The following PLEKHA5 variants were observed in gnomAD, a reference collection of about 807,000 sequenced individuals.
The protein encoded by PLEKHA5 is pleckstrin homology domain-containing family A member 5.
PLEKHA5 carries 55 observed loss-of-function variants against 181.9 expected under a neutral mutation model. The observed-to-expected ratio is 0.30, with a 90% confidence interval of 0.24 to 0.38. The LOEUF is 0.38. PLEKHA5 is among the 10% of genes least tolerant of loss of function. The pLI, the probability that PLEKHA5 is intolerant of heterozygous loss-of-function variation, is 1.00. For missense variants in PLEKHA5, 1,432 were observed against 1,549.5 expected (o/e 0.92, Z 1.27); for synonymous variants, 535 against 529.4 (o/e 1.01, Z -0.15).
chr12:19,298,049 C>CA (rs1397849119), intron 15 of PLEKHA5, among the ~76,000 whole-genome samples: 1 of 151,810 alleles, frequency 6.6e-6, no homozygotes, highest in South Asian at 2.1e-4. Flanking sequence ...ACTAAAAATA[C>CA]AAAAAATTAG....
At chr12:19,281,346 G>A (rs2076091698) in intron 11 of PLEKHA5, among the ~76,000 whole-genome samples, 1 of 152,056 alleles carries the variant, frequency 6.6e-6, no homozygotes, top group Admixed American at 6.6e-5. Flanking sequence ...GGAGGCTGAG[G>A]CAGGCAGATT....
At chr12:19,160,465 G>C (rs1241517248) in intron 3 of PLEKHA5, among the ~76,000 whole-genome samples, 1 of 152,044 alleles carries the variant, frequency 6.6e-6, no homozygotes, top group Non-Finnish European at 1.5e-5. Context: ...AGGAATATGT[G>C]CTTCTGTTGG....
At chr12:19,306,771 G>C (rs960483975) in intron 15 of PLEKHA5, 3 of 937,884 alleles carry the variant, frequency 3.2e-6, no homozygotes, top group Non-Finnish European at 5.3e-6. Flanking sequence ...TCGCAATCTC[G>C]TTAAATTCCA....
intron 3 of PLEKHA5, among the ~76,000 whole-genome samples, chr12:19,159,662 T>C (rs887046496): frequency 6.6e-6 from 1 of 152,196 alleles, no homozygotes; most frequent in Non-Finnish European, 1.5e-5. Flanking sequence ...TAAATGTCTT[T>C]TCTAGACTGA....
chr12:19,314,055 A>G (rs1161951478), intron 15 of PLEKHA5, among the ~76,000 whole-genome samples: 1 of 152,138 alleles, frequency 6.6e-6, no homozygotes, highest in Non-Finnish European at 1.5e-5. Context: ...TTGGCCTTTT[A>G]CTATATACAT....
chr12:19,308,635 G>A (rs1386225390), intron 15 of PLEKHA5, among the ~76,000 whole-genome samples: 1 of 152,126 alleles, frequency 6.6e-6, no homozygotes, highest in African/African-American at 2.4e-5. Flanking sequence ...CTGACTGCAT[G>A]TTATTGTGGC....
chr12:19,217,569 C>G (rs1200871163), intron 3 of PLEKHA5, among the ~76,000 whole-genome samples: 1 of 152,106 alleles, frequency 6.6e-6, no homozygotes, highest in Admixed American at 6.6e-5. Flanking sequence ...AAAAATACAG[C>G]CCATGAAGGA....
At chr12:19,159,708 A>G (rs1056852719) in intron 3 of PLEKHA5, among the ~76,000 whole-genome samples, 12 of 152,168 alleles carry the variant, frequency 7.9e-5, no homozygotes, top group African/African-American at 1.7e-4. Context: ...CATTTATGCT[A>G]TACAAATTAG....
At chr12:19,306,942 T>G (rs990686164) in intron 15 of PLEKHA5, 3 of 1,021,316 alleles carry the variant, frequency 2.9e-6, no homozygotes, top group Non-Finnish European at 4.5e-6. Flanking sequence ...TGCTTGGTGT[T>G]GGGCTCCTGC....
intron 24 of PLEKHA5, among the ~76,000 whole-genome samples, chr12:19,347,718 A>G (rs192195358): frequency 3.3e-5 from 5 of 152,144 alleles, no homozygotes; most frequent in African/African-American, 1.2e-4. Flanking sequence ...AATTGAGCTA[A>G]TTTGAGAACA....
At chr12:19,218,556 G>T (rs534475995) in intron 3 of PLEKHA5, among the ~76,000 whole-genome samples, 38 of 152,128 alleles carry the variant, frequency 2.5e-4, no homozygotes, top group Non-Finnish European at 5.1e-4. Context: ...ATATTAGTCT[G>T]TATTTATAAA....
intron 3 of PLEKHA5, among the ~76,000 whole-genome samples, chr12:19,220,255 T>G (rs2058731677): frequency 6.6e-6 from 1 of 152,006 alleles, no homozygotes; most frequent in Admixed American, 6.6e-5. Context: ...TATGTGTTCA[T>G]GGAATGCAGT....
chr12:19,176,881 T>C (rs991852415), intron 3 of PLEKHA5, among the ~76,000 whole-genome samples: 10 of 152,304 alleles, frequency 6.6e-5, no homozygotes, highest in African/African-American at 2.2e-4. Flanking sequence ...TTTTTTTCTT[T>C]TGAGACAGAG....
chr12:19,359,581 G>C (rs1377317853), intron 28 of PLEKHA5, 35 bp downstream of exon 28: 2 of 1,591,276 alleles, frequency 1.3e-6, no homozygotes, highest in Admixed American at 3.4e-5. Context: ...TATTCCAAAG[G>C]AATAGATTTG....
At chr12:19,315,305 G>C (rs771939546) in intron 16 of PLEKHA5, among the ~76,000 whole-genome samples, 1 of 152,082 alleles carries the variant, frequency 6.6e-6, no homozygotes, top group Non-Finnish European at 1.5e-5. Context: ...CCCCAACCTA[G>C]TGTTTTAAGA....
At chr12:19,374,324 G>A (rs1035317923) in intron 31 of PLEKHA5, among the ~76,000 whole-genome samples, 7 of 151,944 alleles carry the variant, frequency 4.6e-5, no homozygotes, top group African/African-American at 4.8e-5. Flanking sequence ...GGGGGTTGCC[G>A]TTGCCAGCGG....
chr12:19,292,772 C>T (rs571042636), intron 15 of PLEKHA5, among the ~76,000 whole-genome samples: 1 of 152,264 alleles, frequency 6.6e-6, no homozygotes, highest in East Asian at 1.9e-4. Context: ...AACACCGTCT[C>T]TACTAAAAAT....
At chr12:19,184,012 GT>G (rs1412043900) in intron 3 of PLEKHA5, among the ~76,000 whole-genome samples, 4 of 152,180 alleles carry the variant, frequency 2.6e-5, no homozygotes, top group African/African-American at 9.7e-5. Context: ...ACTGTGCCTG[GT>G]CTTATAAGGA....
chr12:19,334,829 A>AAAAATATAT, intron 20 of PLEKHA5, among the ~76,000 whole-genome samples: 2 of 18,608 alleles, frequency 1.1e-4, no homozygotes, highest in African/African-American at 2.4e-4. Flanking sequence ...AAAAAAAAAA[A>AAAAATATAT]ATATATATAT....
Sources: gnomAD v4.1 joint callset for allele counts (sites outside exome capture counted in the v4.1 genomes callset) on GRCh38, gnomAD v4.1.1 for gene constraint, MANE v1.5 for transcripts, NCBI Gene and HGNC (gene_info 2026-07-23, HGNC 2026-07-21) for gene names.